AUTS2: variants seen among roughly 807,000 people sequenced by gnomAD.
The protein encoded by AUTS2 is autism susceptibility gene 2 protein.
AUTS2 carries 17 observed loss-of-function variants against 112.4 expected under a neutral mutation model. That is an observed-to-expected ratio of 0.15 (90% CI 0.10 to 0.23). The LOEUF (loss-of-function observed/expected upper bound fraction) is 0.23, where lower values mean the gene tolerates loss of function less well. Among genes scored for constraint, AUTS2 ranks in the 10% least tolerant of loss-of-function variants. The probability of loss-of-function intolerance (pLI) is 1.00; values close to 1 mark genes in which losing one functional copy is unlikely to be tolerated. For synonymous variants in AUTS2, 751 were observed against 702.7 expected, an observed-to-expected ratio of 1.07 and a Z score of -1.09; for missense variants, 1,510 against 1,701.6, an observed-to-expected ratio of 0.89 and a Z score of 1.98.
At chr7:70,215,207 G>C (rs958512794) in intron 4 of AUTS2, among the ~76,000 whole-genome samples, 1 of 152,190 alleles carries the variant, frequency 6.6e-6, no homozygotes, top group Non-Finnish European at 1.5e-5. Flanking sequence ...TGGAGTCCAG[G>C]AGTTTGAGGC....
At chr7:70,553,369 C>G (rs1554428204) in intron 5 of AUTS2, among the ~76,000 whole-genome samples, 1 of 152,182 alleles carries the variant, frequency 6.6e-6, no homozygotes, top group Non-Finnish European at 1.5e-5. Context: ...TACCAGGACA[C>G]CACTGCAAGG....
At chr7:69,895,936 A>T (rs1325002573) in intron 1 of AUTS2, among the ~76,000 whole-genome samples, 1 of 152,208 alleles carries the variant, frequency 6.6e-6, no homozygotes, top group Non-Finnish European at 1.5e-5. Flanking sequence ...GATGCAGGGC[A>T]GTAGGTGGGT....
chr7:69,808,871 A>G (rs1213543481), intron 1 of AUTS2, among the ~76,000 whole-genome samples: 4 of 152,180 alleles, frequency 2.6e-5, no homozygotes, highest in African/African-American at 7.2e-5. Flanking sequence ...GTTAGGAGAC[A>G]TGAGGGGTAC....
intron 4 of AUTS2, among the ~76,000 whole-genome samples, chr7:70,179,220 A>G (rs1809167340): frequency 6.6e-6 from 1 of 152,176 alleles, no homozygotes; most frequent in African/African-American, 2.4e-5. Context: ...TGGGTTTGTT[A>G]GTCTACATGT....
At chr7:70,784,872 A>C in intron 15 of AUTS2, 70 bp from the exon 16 acceptor site, 1 of 1,438,582 alleles carries the variant, frequency 7.0e-7, no homozygotes, top group Non-Finnish European at 9.8e-7. Context: ...CCCTTAAGCA[A>C]GTAGAAGCCG....
At chr7:69,675,515 T>TTG (rs1442109178) in intron 1 of AUTS2, among the ~76,000 whole-genome samples, 1 of 147,298 alleles carries the variant, frequency 6.8e-6, no homozygotes, top group Non-Finnish European at 1.5e-5. Flanking sequence ...GTTTTTTTTT[T>TTG]TTTTTTTTTT....
At chr7:70,177,306 G>A (rs1203831293) in intron 4 of AUTS2, among the ~76,000 whole-genome samples, 2 of 152,170 alleles carry the variant, frequency 1.3e-5, no homozygotes, top group Non-Finnish European at 2.9e-5. Context: ...TTCTAGTGAG[G>A]AGCCTGAGGC....
At chr7:69,996,003 G>A (rs528226215) in intron 2 of AUTS2, among the ~76,000 whole-genome samples, 2 of 152,306 alleles carry the variant, frequency 1.3e-5, no homozygotes, top group South Asian at 4.2e-4. Context: ...CTTTCCAATA[G>A]AAGTCAGTTT....
At chr7:70,432,750 C>T (rs1795728072) in intron 4 of AUTS2, among the ~76,000 whole-genome samples, 1 of 152,200 alleles carries the variant, frequency 6.6e-6, no homozygotes, top group Non-Finnish European at 1.5e-5. Context: ...GACCATCATT[C>T]GTCTCTGCCA....
intron 2 of AUTS2, among the ~76,000 whole-genome samples, chr7:70,109,285 C>G (rs1260315420): frequency 6.6e-6 from 1 of 152,080 alleles, no homozygotes; most frequent in Non-Finnish European, 1.5e-5. Context: ...TTTAAGAAAG[C>G]TGAAAACTGT....
At chr7:70,543,450 AC>A (rs1563029128) in intron 5 of AUTS2, among the ~76,000 whole-genome samples, 1 of 150,586 alleles carries the variant, frequency 6.6e-6, no homozygotes, top group Non-Finnish European at 1.5e-5. Flanking sequence ...AATCGCTTGA[AC>A]CCGGGAGGCA....
chr7:70,075,006 G>C (rs938732106), intron 2 of AUTS2, among the ~76,000 whole-genome samples: 1 of 152,148 alleles, frequency 6.6e-6, no homozygotes, highest in East Asian at 1.9e-4. Context: ...TCCCATTTGT[G>C]TCTAGTCATT....
At position 70,385,601 on chromosome 7, in the gene AUTS2, A is replaced by G. The variant is rs570770094; in HGVS notation, c.661-50151A>G. Among the ~76,000 whole-genome samples, 202 of 152,288 alleles carry G rather than the reference A, an allele frequency of 1.3e-3. 8 individuals carry two copies. The South Asian group carries it at 0.034, about 26-fold the overall frequency. ...TAAAGTATAAGGACCAAGGAGGGCC[A>G]GGTGTGCACCTGCAGTCCCAGCTAC... On this transcript the variant is annotated intron_variant, in intron 4 of 18. Coordinates refer to ENST00000342771, the MANE Select transcript of AUTS2 (RefSeq NM_015570.4).
chr7:70,280,450 ATTTTTTT>A (rs35280015), intron 4 of AUTS2, among the ~76,000 whole-genome samples: 1 of 121,864 alleles, frequency 8.2e-6, no homozygotes, highest in African/African-American at 3.1e-5. Context: ...TGCCCGGCTG[ATTTTTTT>A]TTTTTTTTTT....
intron 2 of AUTS2, among the ~76,000 whole-genome samples, chr7:70,098,696 TTTTTC>T (rs1189994741): frequency 2.1e-4 from 32 of 151,994 alleles, no homozygotes; most frequent in Middle Eastern, 3.4e-3. Flanking sequence ...GTTTTAAACT[TTTTTC>T]TTTTCTTTTT....
chr7:69,821,616 T>C (rs2129526369), intron 1 of AUTS2, among the ~76,000 whole-genome samples: 1 of 152,138 alleles, frequency 6.6e-6, no homozygotes, highest in Non-Finnish European at 1.5e-5. Context: ...GCTGCAACAC[T>C]CACCGCGAGG....
In AUTS2 at chr7:70,033,622, T is replaced by TA. The variant is rs1481804611; in HGVS notation, c.523-84509dup. ...ATAAGGAGAGAATGTTGAAACCTGTTATTTGTAGTTAGAAGTGTAGATGTA... is the reference window on the plus strand; with the variant it reads ...ATAAGGAGAGAATGTTGAAACCTGTTAATTTGTAGTTAGAAGTGTAGATGTA... On this transcript the variant is annotated intron_variant, in intron 2 of 18. Transcript: ENST00000342771. Among the ~76,000 whole-genome samples, 15 of 152,320 alleles carry TA rather than the reference T, an allele frequency of 9.8e-5. 1 individual carries two copies. The East Asian group carries it at 2.9e-3, about 29-fold the overall frequency.
chr7:70,731,381 A>AAGAATAGC (rs1787375505), intron 6 of AUTS2, among the ~76,000 whole-genome samples: 1 of 150,786 alleles, frequency 6.6e-6, no homozygotes, highest in South Asian at 2.1e-4. Flanking sequence ...TTGCAAGAAT[A>AAGAATAGC]AGAATAGCAC....
At chr7:70,741,042 T>C (rs995519417) in intron 6 of AUTS2, among the ~76,000 whole-genome samples, 9 of 151,290 alleles carry the variant, frequency 5.9e-5, no homozygotes, top group African/African-American at 2.2e-4. Flanking sequence ...TGCAGTGAGC[T>C]GAGATCGCAC....
Sources: allele counts gnomAD v4.1 joint callset (sites outside exome capture counted in the v4.1 genomes callset), GRCh38; gene constraint gnomAD v4.1.1; transcripts MANE v1.5; gene names NCBI Gene and HGNC (gene_info 2026-07-23, HGNC 2026-07-21).